Variants in SOX5 observed in about 807,000 individuals in gnomAD.
The protein encoded by SOX5 is transcription factor SOX-5.
In SOX5, 9 loss-of-function variants were observed where a neutral mutation model predicts 92.0. The observed-to-expected ratio is 0.10, with a 90% CI of 0.06 to 0.17. The LOEUF is 0.17. Among genes scored for constraint, SOX5 ranks in the 10% least tolerant of loss-of-function variants. The pLI is 1.00. For synonymous variants in SOX5, 344 were observed against 336.3 expected (o/e 1.02, Z -0.25); for missense variants, 642 against 944.5 (o/e 0.68, Z 4.20).
chr12:23,630,920 T>C (rs1334246402), intron 8 of SOX5, among the ~76,000 whole-genome samples: 2 of 152,004 alleles, frequency 1.3e-5, no homozygotes, highest in Non-Finnish European at 2.9e-5. Context: ...CTTTCATCAT[T>C]TTATCTTTCC....
chr12:23,998,538 C>T (rs1159374793), intron 4 of SOX5, among the ~76,000 whole-genome samples: 1 of 152,080 alleles, frequency 6.6e-6, no homozygotes, highest in Non-Finnish European at 1.5e-5. Context: ...GGAATGGTGG[C>T]TCATGCCTGT....
At chr12:23,867,832 AC>A (rs1161905870) in intron 2 of SOX5, among the ~76,000 whole-genome samples, 8 of 151,718 alleles carry the variant, frequency 5.3e-5, no homozygotes, top group Non-Finnish European at 8.8e-5. Context: ...AAAAAAAAAA[AC>A]AAAAAAACTT....
intron 6 of SOX5, among the ~76,000 whole-genome samples, chr12:23,722,871 C>T (rs1010669894): frequency 2.0e-5 from 3 of 152,172 alleles, no homozygotes; most frequent in Non-Finnish European, 4.4e-5. Context: ...AAAGCGCAAT[C>T]AGTTTGGAAG....
chr12:24,346,771 T>C (rs1283449443), intron 2 of SOX5, among the ~76,000 whole-genome samples: 2 of 151,894 alleles, frequency 1.3e-5, no homozygotes, highest in Non-Finnish European at 2.9e-5. Context: ...TTGACAAAAT[T>C]TGTAAAAATT....
At chr12:23,551,165 T>A (rs184083058) in intron 11 of SOX5, among the ~76,000 whole-genome samples, 37 of 151,992 alleles carry the variant, frequency 2.4e-4, no homozygotes, top group African/African-American at 8.7e-4. Flanking sequence ...CAGTTAAACC[T>A]CTTCTGGCTG....
intron 2 of SOX5, among the ~76,000 whole-genome samples, chr12:23,851,945 C>G (rs541476862): frequency 6.6e-6 from 1 of 152,150 alleles, no homozygotes; most frequent in Non-Finnish European, 1.5e-5. Context: ...TTAAAGTTCT[C>G]TAAAGAAGTG....
intron 4 of SOX5, among the ~76,000 whole-genome samples, chr12:24,099,860 T>A (rs1945876015): frequency 6.6e-6 from 1 of 152,166 alleles, no homozygotes; most frequent in African/African-American, 2.4e-5. Context: ...AATTCATTAA[T>A]TAGCTGTGAG....
rs570774046 is a variant in SOX5 at position 24,257,053 on chromosome 12, G to T, written c.-77+20163C>A. Among the ~76,000 whole-genome samples the T allele has an allele frequency of 5.1e-4, 77 of 152,226 alleles. 1 individual carries two copies. Among genetic ancestry groups the T allele is most frequent in the African/African-American group, 1.9e-3 (77 of 41,534 alleles). The stretch of plus-strand genomic sequence containing the variant: ...AACCCTTTGGAAGTGTGAATAGAAG[G>T]GAAAGTACTTTCACAGGTTTGGGTG... On this transcript the variant is annotated intron_variant, in intron 3 of 4. Transcript: ENST00000446891.
chr12:24,459,001 C>A (rs1187367785), intron 1 of SOX5, among the ~76,000 whole-genome samples: 2 of 152,158 alleles, frequency 1.3e-5, no homozygotes, highest in African/African-American at 4.8e-5. Context: ...CAAAAAGACA[C>A]TGCTGGTATC....
upstream of SOX5, among the ~76,000 whole-genome samples, chr12:23,953,908 T>C (rs1399761988): frequency 2.0e-5 from 3 of 152,020 alleles, no homozygotes; most frequent in Admixed American, 6.5e-5. Flanking sequence ...TTTGAGCTCA[T>C]GTTGTTTCCA....
chr12:23,887,067 G>A (rs1195295342), intron 2 of SOX5, among the ~76,000 whole-genome samples: 4 of 152,138 alleles, frequency 2.6e-5, no homozygotes, highest in East Asian at 1.9e-4. Context: ...ATAGTTTTGT[G>A]AATAACTCAC....
At chr12:23,971,681 A>G (rs1396162348) in intron 4 of SOX5, among the ~76,000 whole-genome samples, 1 of 152,008 alleles carries the variant, frequency 6.6e-6, no homozygotes, top group African/African-American at 2.4e-5. Context: ...TTTGAAGAGA[A>G]TAATTCTCTA....
rs74070031 is a variant in SOX5 at position 24,394,124 on chromosome 12, G to A, written c.-250-25485C>T. On this transcript the variant is annotated intron_variant, in intron 1 of 4. Coordinates refer to the SOX5 transcript ENST00000446891. The stretch of plus-strand genomic sequence containing the variant: ...TAGAGCTCCGAAATTCATCAGAGTG[G>A]GTTTTATCACACACAACAAGGGAAG... 1.2e-3 allele frequency among the ~76,000 whole-genome samples: 177 copies of A among 152,058 alleles called. 1 individual carries two copies. Among genetic ancestry groups the A allele is most frequent in the African/African-American group, 4.0e-3 (167 of 41,480 alleles).
intron 3 of SOX5, among the ~76,000 whole-genome samples, chr12:24,216,305 A>G (rs1341902525): frequency 6.6e-6 from 1 of 151,818 alleles, no homozygotes; most frequent in Non-Finnish European, 1.5e-5. Flanking sequence ...AACACGGTGA[A>G]ACCCCGTGTC....
At chr12:24,297,331 G>T (rs939683402) in intron 2 of SOX5, among the ~76,000 whole-genome samples, 1 of 152,164 alleles carries the variant, frequency 6.6e-6, no homozygotes, top group Non-Finnish European at 1.5e-5. Flanking sequence ...CTTCATCTTC[G>T]ACAGTCTTCC....
At chr12:23,640,271 G>A (rs10505899) in intron 8 of SOX5, among the ~76,000 whole-genome samples, 21,619 of 152,058 alleles carry the variant, frequency 0.14, 2,011 homozygotes, top group Admixed American at 0.23. Context: ...TATTTCGCAC[G>A]GCTAGAAAAG....
chr12:23,755,693 C>G lies in SOX5; in HGVS notation c.513G>C (p.Lys171Asn). ...ETPSIEKLLS[K>N]DWKDKLLAMG... ...TTGCAAGAAGCTTGTCTTTCCAGTC[C>G]TTTGAGAGTAGTTTTTCAATACTGG... The change falls in exon 4 of 15, where the codon AAG becomes AAC. Residue 171 changes from lysine (K) to asparagine (N), a missense_variant. Lys to Asn is a moderately conservative substitution (Grantham distance 94). Around this residue, in one of 8 missense-constraint regions of SOX5, gnomAD observed 324 missense variants for 461.6 expected, o/e 0.70. Coordinates refer to ENST00000451604, the MANE Select transcript of SOX5 (RefSeq NM_006940.6). The G allele has an allele frequency of 6.3e-7, 1 of 1,585,590 alleles. No homozygotes were observed. Among genetic ancestry groups the G allele is most frequent in the Non-Finnish European group, 8.6e-7 (1 of 1,167,712 alleles).
At chr12:23,926,109 C>G (rs1939857686) in intron 1 of SOX5, among the ~76,000 whole-genome samples, 1 of 152,054 alleles carries the variant, frequency 6.6e-6, no homozygotes, top group South Asian at 2.1e-4. Context: ...CTAACTGGCT[C>G]ATATTTATTT....
chr12:24,077,193 C>T (rs1942731102), intron 4 of SOX5, among the ~76,000 whole-genome samples: 1 of 152,112 alleles, frequency 6.6e-6, no homozygotes, highest in Non-Finnish European at 1.5e-5. Flanking sequence ...GCTACACAGA[C>T]CAATTTTTGT....
Sources: allele counts gnomAD v4.1 joint callset (sites outside exome capture counted in the v4.1 genomes callset), GRCh38; gene constraint gnomAD v4.1.1; regional missense constraint gnomAD v4.1.1; transcripts MANE v1.5; gene names NCBI Gene and HGNC (gene_info 2026-07-23, HGNC 2026-07-21).